MYPN: variants seen among roughly 807,000 people sequenced by gnomAD.
The protein encoded by MYPN is sarcomeric protein myopalladin, 145 kDa (MYOP).
Under a neutral mutation model 129.4 loss-of-function variants are expected in MYPN, and 63 were observed. The ratio of observed to expected loss-of-function variants is 0.49; its 90% confidence interval spans 0.40 to 0.60. The LOEUF (loss-of-function observed/expected upper bound fraction) is 0.60, where lower values mean the gene tolerates loss of function less well. MYPN is among the 20% of genes least tolerant of loss of function. The pLI is 0.00. For missense variants in MYPN, 1,596 were observed against 1,635.4 expected, an observed-to-expected ratio of 0.98 and a Z score of 0.42; for synonymous variants, 629 against 600.9, an observed-to-expected ratio of 1.05 and a Z score of -0.68.
intron 6 of MYPN, among the ~76,000 whole-genome samples, chr10:68,155,008 C>T (rs531829632): frequency 6.6e-6 from 1 of 151,988 alleles, no homozygotes. Context: ...GGCAAAACCC[C>T]GTCTCTAACT....
intron 18 of MYPN, among the ~76,000 whole-genome samples, chr10:68,204,725 CAAA>C (rs33973275): frequency 1.5e-4 from 13 of 89,356 alleles, no homozygotes; most frequent in African/African-American, 2.9e-4. Context: ...GACTCTGTCT[CAAA>C]AAAAAAAAAA....
Position 68,143,116 on chromosome 10 carries a change from G to A in MYPN, c.1078+1G>A, listed in dbSNP as rs761933314. ...ACTTCTGCTGAGATTTATATAGAAG[G>A]TAAAACAAAATGCTCTTGGAGTATG... On this transcript the variant is annotated splice_donor_variant, in intron 3 of 19. Transcript: ENST00000358913. LOFTEE classifies it high-confidence loss of function. 3.1e-6 allele frequency: 5 copies of A among 1,613,538 alleles called. No homozygotes were observed. Among genetic ancestry groups the A allele is most frequent in the Non-Finnish European group, 4.2e-6 (5 of 1,179,736 alleles).
chr10:68,168,529 A>T (rs1353951086), intron 10 of MYPN, among the ~76,000 whole-genome samples: 1 of 152,222 alleles, frequency 6.6e-6, no homozygotes, highest in South Asian at 2.1e-4. Flanking sequence ...CAAGGCAGTC[A>T]GGTTGCGGTT....
chr10:68,164,747 C>A (rs1012189578), intron 8 of MYPN, among the ~76,000 whole-genome samples: 1 of 152,100 alleles, frequency 6.6e-6, no homozygotes, highest in Non-Finnish European at 1.5e-5. Context: ...TGGGAATCAC[C>A]TCTGTAGTTA....
rs1401161405 is a variant in MYPN at position 68,211,987 on chromosome 10, A to C, written c.*1532A>C. The C allele has an allele frequency of 3.6e-5, 13 of 358,784 alleles. No individual in the cohort carries two copies. The highest frequency in any genetic ancestry group is 6.6e-5 in the Non-Finnish European group (12 of 182,852). The allele number at this position is 358,784 out of a possible 1,614,324, so 22.2% of individuals were successfully genotyped here. ...TCTTCACTTCAAGGCAAGGATTTCC[A>C]GCATAAAAATAAATTCATTCACTGG... On this transcript the variant is annotated 3_prime_UTR_variant, in exon 20 of 20. Transcript: ENST00000358913.
chr10:68,204,816 G>T (rs1004728688), intron 18 of MYPN, among the ~76,000 whole-genome samples: 6 of 151,536 alleles, frequency 4.0e-5, no homozygotes, highest in African/African-American at 1.5e-4. Flanking sequence ...TGAGAGGAAG[G>T]GTCCCGTCCC....
chr10:68,088,111 T>TGATTAAGAGA (rs1425433760), intron 1 of MYPN, among the ~76,000 whole-genome samples: 2 of 152,194 alleles, frequency 1.3e-5, no homozygotes, highest in Non-Finnish European at 1.5e-5. Context: ...AGGAATCTAA[T>TGATTAAGAGA]GATTAAGAGA....
Position 68,175,342 on chromosome 10 carries a change from A to G in MYPN, c.2584A>G (p.Lys862Glu). The change falls in exon 12 of 20, where the codon AAG (lysine) becomes GAG (glutamate). Residue 862 changes from lysine to glutamate, a missense_variant. Transcript: ENST00000358913. ...TTACAGGCCATCCCAGGGATTAGCGAAGAAAAATACAAAGTCTCCTCAACC... is the reference window on the plus strand; with the variant it reads ...TTACAGGCCATCCCAGGGATTAGCGGAGAAAAATACAAAGTCTCCTCAACC... Reference protein sequence around the residue: ...APSMPSQGLAKKNTKSPQPVN... With the variant: ...APSMPSQGLAEKNTKSPQPVN... The G allele has an allele frequency of 1.2e-6, 2 of 1,614,060 alleles. No individual in the cohort carries two copies. Among genetic ancestry groups the G allele is most frequent in the South Asian group, 2.2e-5 (2 of 91,080 alleles).
intron 12 of MYPN, among the ~76,000 whole-genome samples, chr10:68,178,342 A>C (rs2043260490): frequency 6.6e-6 from 1 of 152,212 alleles, no homozygotes; most frequent in Non-Finnish European, 1.5e-5. Flanking sequence ...AGTACCATTC[A>C]TCACCAGTGG....
At chr10:68,113,186 G>A (rs777318916) in intron 1 of MYPN, among the ~76,000 whole-genome samples, 1 of 152,188 alleles carries the variant, frequency 6.6e-6, no homozygotes, top group Admixed American at 6.5e-5. Context: ...TTCACAAACA[G>A]ACCTATGAAA....
chr10:68,134,470 C>T (rs1277160910), intron 2 of MYPN, among the ~76,000 whole-genome samples: 1 of 152,182 alleles, frequency 6.6e-6, no homozygotes, highest in Non-Finnish European at 1.5e-5. Context: ...TTCATCTTCA[C>T]ATTTATTCAT....
At chr10:68,204,917 G>A (rs12785213) in intron 18 of MYPN, among the ~76,000 whole-genome samples, 62,148 of 151,250 alleles carry the variant, frequency 0.41, 13,602 homozygotes, top group Non-Finnish European at 0.49. Context: ...CCAGCTGTAA[G>A]GAATATGCCA....
At chr10:68,195,345 C>A in intron 14 of MYPN, 105 bp from the exon 15 acceptor site, 1 of 984,366 alleles carries the variant, frequency 1.0e-6, no homozygotes, top group Non-Finnish European at 1.6e-6. Flanking sequence ...AAGAAAAACT[C>A]ATAATAGCCA....
intron 2 of MYPN, among the ~76,000 whole-genome samples, chr10:68,124,715 G>A (rs1329919623): frequency 1.3e-5 from 2 of 152,166 alleles, no homozygotes; most frequent in Non-Finnish European, 2.9e-5. Context: ...ACTCAGAAAT[G>A]TTGAATGAGC....
chr10:68,107,954 C>T (rs1402843235), upstream of MYPN, among the ~76,000 whole-genome samples: 4 of 152,156 alleles, frequency 2.6e-5, no homozygotes, highest in South Asian at 2.1e-4. Flanking sequence ...ACATTGATTA[C>T]GGCTTAAGAT....
At chr10:68,104,323 C>A (rs1369825489), upstream of MYPN, among the ~76,000 whole-genome samples, 1 of 152,186 alleles carries the variant, frequency 6.6e-6, no homozygotes, top group Non-Finnish European at 1.5e-5. Flanking sequence ...ATATTTTGAG[C>A]TAACCTTATG....
chr10:68,186,017 AG>A (rs1400221272), intron 12 of MYPN, among the ~76,000 whole-genome samples: 1 of 152,236 alleles, frequency 6.6e-6, no homozygotes, highest in Non-Finnish European at 1.5e-5. Context: ...TCTACCTAAC[AG>A]GTGGATAGTG....
chr10:68,197,215 T>C (rs1453378374), intron 15 of MYPN, 137 bp from the exon 16 acceptor site: 8 of 801,282 alleles, frequency 1.0e-5, no homozygotes, highest in African/African-American at 1.8e-5. Flanking sequence ...ATTTATTGTT[T>C]ATAGTCCAGC....
intron 2 of MYPN, among the ~76,000 whole-genome samples, chr10:68,133,605 TGCAGCATAA>T (rs1292716556): frequency 1.3e-5 from 2 of 152,030 alleles, no homozygotes; most frequent in Non-Finnish European, 2.9e-5. Context: ...AGAGGACTGT[TGCAGCATAA>T]GGAACTCTCT....
Sources: gnomAD v4.1 joint callset for allele counts (sites outside exome capture counted in the v4.1 genomes callset) on GRCh38, gnomAD v4.1.1 for gene constraint, MANE v1.5 for transcripts, NCBI Gene and HGNC (gene_info 2026-07-23, HGNC 2026-07-21) for gene names.